The following TMEM169 variants were observed in gnomAD, a reference collection of about 807,000 sequenced individuals.
The protein encoded by TMEM169 is transmembrane protein 169.
In TMEM169, 18 loss-of-function variants were observed where a neutral mutation model predicts 27.3. That is an observed-to-expected ratio of 0.66 (90% CI 0.46 to 0.98). The LOEUF is 0.98. Among genes scored for constraint, TMEM169 ranks in the 50% least tolerant of loss-of-function variants. TMEM169 has a pLI of 0.00. For synonymous variants in TMEM169, 136 were observed against 142.1 expected, an observed-to-expected ratio of 0.96 and a Z score of 0.30; for missense variants, 320 against 368.6, an observed-to-expected ratio of 0.87 and a Z score of 1.08.
At chr2:216,098,162 G>A (rs1344121043) in intron 2 of TMEM169, among the ~76,000 whole-genome samples, 2 of 152,164 alleles carry the variant, frequency 1.3e-5, no homozygotes, top group Non-Finnish European at 2.9e-5. Flanking sequence ...GTCAATGGAG[G>A]ACTTTTAAGC....
chr2:216,092,721 C>T (rs79767299), intron 1 of TMEM169, among the ~76,000 whole-genome samples: 4,029 of 152,264 alleles, frequency 0.026, 201 homozygotes, highest in African/African-American at 0.091. Context: ...TTAATCTCCT[C>T]GGGGTCTCAA....
At chr2:216,083,819 C>T (rs1695931678) in intron 1 of TMEM169, among the ~76,000 whole-genome samples, 1 of 152,214 alleles carries the variant, frequency 6.6e-6, no homozygotes, top group Non-Finnish European at 1.5e-5. Flanking sequence ...GAGGCATGAT[C>T]TCTTTGCCTC....
At chr2:216,095,816 G>C (rs1696249011) in intron 1 of TMEM169, 22 bp from the exon 2 acceptor site, 1 of 915,052 alleles carries the variant, frequency 1.1e-6, no homozygotes, top group Non-Finnish European at 1.6e-6. Flanking sequence ...CCTGTTGATG[G>C]CTTTGCTTTC....
chr2:216,081,998 T>G lies in TMEM169; in HGVS notation c.-127+19T>G, dbSNP rs1695868873. 1 of 483,818 alleles carries G rather than the reference T, an allele frequency of 2.1e-6. No individual in the cohort carries two copies. Among genetic ancestry groups the G allele is most frequent in the African/African-American group, 2.1e-5 (1 of 47,732 alleles). 30.0% of individuals were successfully genotyped at this position (483,818 alleles called of 1,614,324 possible). A position where few individuals can be genotyped will look rare whatever the true frequency, so the allele number is the denominator to read the frequency against. ...GGTGTGGGTGAGACTGCTCGTTCGTTTCTTTAAATTTCGATGCCATTGGGG... is the reference window on the plus strand; with the variant it reads ...GGTGTGGGTGAGACTGCTCGTTCGTGTCTTTAAATTTCGATGCCATTGGGG... On this transcript the variant is annotated intron_variant, in intron 1 of 2. Coordinates refer to ENST00000437356, the MANE Select transcript of TMEM169 (RefSeq NM_001142311.2).
At chr2:216,083,374 G>A (rs1477494628) in intron 1 of TMEM169, among the ~76,000 whole-genome samples, 1 of 151,920 alleles carries the variant, frequency 6.6e-6, no homozygotes, top group Non-Finnish European at 1.5e-5. Flanking sequence ...TTTTTTTTAA[G>A]GAAAAGAAAT....
chr2:216,082,391 T>A (rs1695885525), intron 1 of TMEM169: 1 of 152,234 alleles, frequency 6.6e-6, no homozygotes, highest in Admixed American at 6.5e-5. Flanking sequence ...ACCAAGAGAA[T>A]AAACGATTTG....
rs1319155819 is a variant in TMEM169 at position 216,102,560 on chromosome 2, A to C, written c.*2018A>C. The C allele has an allele frequency of 6.6e-6, 1 of 152,346 alleles. No homozygotes were observed. The highest frequency in any genetic ancestry group is 1.5e-5 in the Non-Finnish European group (1 of 67,960). 9.4% of individuals were successfully genotyped at this position (152,346 alleles called of 1,614,324 possible). On this transcript the variant is annotated 3_prime_UTR_variant, in exon 3 of 3. Transcript: ENST00000437356. The stretch of plus-strand genomic sequence containing the variant: ...ACCAGAGGAGTTTGTCATGCTCCCC[A>C]CAGAGAGCCCAGGACATTTGCCTGA...
intron 2 of TMEM169, among the ~76,000 whole-genome samples, 193 bp downstream of exon 2, chr2:216,096,427 T>C (rs1320557857): frequency 6.6e-6 from 1 of 152,202 alleles, no homozygotes; most frequent in Non-Finnish European, 1.5e-5. Context: ...TGCAGTGGCA[T>C]GATGTCGCCT....
rs1192404811 is a variant in TMEM169 at position 216,099,978 on chromosome 2, A to G, written c.330A>G (p.Arg110=). 6 of 1,614,112 alleles carry G rather than the reference A, an allele frequency of 3.7e-6. No homozygotes were observed. In the South Asian group the frequency reaches 4.4e-5, roughly 12 times the overall value. Residue 110 remains arginine (R), a synonymous_variant, in exon 3 of 3, where the codon CGA becomes CGG. Transcript: ENST00000437356. This position sits in a 1 kb window ranked among gnomAD's most constrained non-coding sequence, Gnocchi z 5.0. Reference sequence around the variant, plus strand: ...TCACCTTAACTGGGACCATCACACGAGGGAAGAAAAAGGGTCAGATGGTGG... The same window carrying G: ...TCACCTTAACTGGGACCATCACACGGGGGAAGAAAAAGGGTCAGATGGTGG... ...RYVTLTGTIT[R]GKKKGQMVDI... is the part of the protein sequence containing the mutation.
chr2:216,096,147 A>G lies in TMEM169; in HGVS notation c.184A>G (p.Thr62Ala). The part of the protein sequence containing the change: ...IIIYRSDNEK[T>A]DEEPGESEGG... ...CATCTACCGCTCAGACAATGAGAAA[A>G]CAGATGAGGAGCCCGGAGAATCAGA... is the stretch of plus-strand genomic sequence containing the variant. Residue 62 changes from threonine to alanine, a missense_variant, in exon 2 of 3, where the codon ACA (threonine) becomes GCA (alanine). Transcript: ENST00000437356. 6.2e-7 allele frequency: 1 copy of G among 1,614,156 alleles called. No homozygotes were observed. The highest frequency in any genetic ancestry group is 8.5e-7 in the Non-Finnish European group (1 of 1,180,028).
chr2:216,086,033 G>C (rs1382855666), intron 1 of TMEM169, among the ~76,000 whole-genome samples: 1 of 151,976 alleles, frequency 6.6e-6, no homozygotes, highest in African/African-American at 2.4e-5. Context: ...ATGGTTGATT[G>C]AAGCTAACAC....
At chr2:216,092,352 T>A (rs550427979) in intron 1 of TMEM169, among the ~76,000 whole-genome samples, 1 of 151,492 alleles carries the variant, frequency 6.6e-6, no homozygotes, top group Non-Finnish European at 1.5e-5. Flanking sequence ...CCTTTTTATG[T>A]TTTTTTTTAA....
intron 1 of TMEM169, 73 bp downstream of exon 1, chr2:216,082,052 A>AG (rs551335773): frequency 2.3e-4 from 77 of 342,194 alleles, no homozygotes; most frequent in African/African-American, 1.6e-3. Flanking sequence ...AAAAAAAAAA[A>AG]AAGAAGAAGA....
At position 216,085,018 on chromosome 2, in the gene TMEM169, T is replaced by C. The variant is rs543229006; in HGVS notation, c.-127+3039T>C. Among the ~76,000 whole-genome samples the C allele has an allele frequency of 3.9e-5, 6 of 152,330 alleles. No individual in the cohort carries two copies. In the East Asian group the frequency reaches 9.6e-4, roughly 24 times the overall value. On this transcript the variant is annotated intron_variant, in intron 1 of 2. Transcript: ENST00000437356. Reference sequence around the variant, plus strand: ...TTATTTATTTATTTGACATGGAGTCTGGCTCTGTATCCCAGGCTGGAGTGC... The same window carrying C: ...TTATTTATTTATTTGACATGGAGTCCGGCTCTGTATCCCAGGCTGGAGTGC...
intron 1 of TMEM169, among the ~76,000 whole-genome samples, chr2:216,093,125 A>AGTTGTGTGTGTGT (rs748583380): frequency 8.2e-5 from 12 of 145,816 alleles, no homozygotes; most frequent in African/African-American, 2.6e-4. Context: ...GTAATAATGA[A>AGTTGTGTGTGTGT]GTGTGTGTGT....
intron 1 of TMEM169, among the ~76,000 whole-genome samples, chr2:216,095,109 C>CTTTTTTTTT (rs71047975): frequency 4.5e-5 from 5 of 110,474 alleles, no homozygotes; most frequent in African/African-American, 8.2e-5. Flanking sequence ...TTTTTTCTTT[C>CTTTTTTTTT]TTTTTTTTTT....
intron 1 of TMEM169, among the ~76,000 whole-genome samples, chr2:216,083,372 A>C (rs1351947678): frequency 1.3e-5 from 2 of 152,064 alleles, no homozygotes; most frequent in Non-Finnish European, 2.9e-5. Context: ...GTTTTTTTTT[A>C]AGGAAAAGAA....
intron 2 of TMEM169, among the ~76,000 whole-genome samples, chr2:216,098,460 T>C (rs1174300190): frequency 6.6e-6 from 1 of 152,012 alleles, no homozygotes; most frequent in Non-Finnish European, 1.5e-5. Flanking sequence ...GGATAGATGG[T>C]GGTGGTGTTT....
At chr2:216,092,601 G>A (rs1199846232) in intron 1 of TMEM169, among the ~76,000 whole-genome samples, 1 of 152,158 alleles carries the variant, frequency 6.6e-6, no homozygotes, top group Non-Finnish European at 1.5e-5. Context: ...GCCTTCTCAC[G>A]TGTACTCTTT....
Sources: gnomAD v4.1 joint callset for allele counts (sites outside exome capture counted in the v4.1 genomes callset) on GRCh38, gnomAD v4.1.1 for gene constraint, Gnocchi (gnomAD v3.1) non-coding constraint, MANE v1.5 for transcripts, NCBI Gene and HGNC (gene_info 2026-07-23, HGNC 2026-07-21) for gene names.